Variants in EHMT1 observed in about 807,000 individuals in gnomAD.
The protein encoded by EHMT1 is histone-lysine N-methyltransferase EHMT1.
Under a neutral mutation model 147.2 loss-of-function variants are expected in EHMT1, and 15 were observed. The ratio of observed to expected loss-of-function variants is 0.10; its 90% CI spans 0.07 to 0.16. The LOEUF (loss-of-function observed/expected upper bound fraction) is 0.16. Ranked by LOEUF, EHMT1 falls within the 10% of genes least tolerant of loss-of-function variation. EHMT1 has a pLI of 1.00. For missense variants in EHMT1, 1,587 were observed against 1,772.4 expected, an observed-to-expected ratio of 0.90 and a Z score of 1.88; for synonymous variants, 795 against 709.6, an observed-to-expected ratio of 1.12 and a Z score of -1.91.
chr9:137,767,181 G>A lies in EHMT1; in HGVS notation c.1647+4361G>A, dbSNP rs186866337. On this transcript the variant is annotated intron_variant, in intron 10 of 26. Coordinates refer to ENST00000460843, the MANE Select transcript of EHMT1 (RefSeq NM_024757.5). ...GCTGCCCAGGCTGGAGTGCAGCGGT[G>A]CAGGCAGAGCTCGGTGCAGATTCAA... Among the ~76,000 whole-genome samples the A allele has an allele frequency of 3.4e-4, 52 of 152,258 alleles. 1 individual carries two copies. The highest frequency in any genetic ancestry group is 3.4e-3 in the Middle Eastern group (1 of 294).
chr9:137,643,776 G>A (rs1253464773), intron 1 of EHMT1, among the ~76,000 whole-genome samples: 1 of 152,202 alleles, frequency 6.6e-6, no homozygotes, highest in Non-Finnish European at 1.5e-5. Flanking sequence ...GCTTTTGAGA[G>A]TCTCTGTCTG....
intron 1 of EHMT1, among the ~76,000 whole-genome samples, chr9:137,650,274 A>G (rs1483065597): frequency 3.3e-5 from 5 of 151,622 alleles, no homozygotes; most frequent in Non-Finnish European, 7.4e-5. Context: ...TAATTTAAAC[A>G]TTTTTTTTAG....
At chr9:137,727,182 A>G (rs1420087148) in intron 3 of EHMT1, among the ~76,000 whole-genome samples, 1 of 152,106 alleles carries the variant, frequency 6.6e-6, no homozygotes, top group East Asian at 1.9e-4. Flanking sequence ...GGGTCTTGCT[A>G]TGTTGCCCAG....
chr9:137,698,745 G>T (rs1446137987), intron 1 of EHMT1, among the ~76,000 whole-genome samples: 2 of 151,952 alleles, frequency 1.3e-5, no homozygotes. Flanking sequence ...AGTTCCATTG[G>T]TTCTTTTTCC....
chr9:137,727,424 G>A (rs1272068484), intron 3 of EHMT1, among the ~76,000 whole-genome samples: 2 of 152,156 alleles, frequency 1.3e-5, no homozygotes, highest in Non-Finnish European at 2.9e-5. Flanking sequence ...ATACTTTTAG[G>A]TTTTGCAGTT....
At chr9:137,637,143 C>T (rs920850068) in intron 1 of EHMT1, among the ~76,000 whole-genome samples, 5 of 151,600 alleles carry the variant, frequency 3.3e-5, no homozygotes, top group Admixed American at 6.6e-5. Context: ...GTGATCTGCC[C>T]GTCTCCACCT....
intron 7 of EHMT1, 103 bp from the exon 8 acceptor site, chr9:137,754,068 A>G: frequency 1.9e-6 from 3 of 1,574,220 alleles, no homozygotes; most frequent in Non-Finnish European, 2.6e-6. Context: ...GAAGATCAAG[A>G]CATAGCCAGT....
intron 1 of EHMT1, among the ~76,000 whole-genome samples, chr9:137,658,621 CT>C (rs1286258092): frequency 1.3e-5 from 2 of 149,240 alleles, no homozygotes; most frequent in Non-Finnish European, 1.5e-5. Flanking sequence ...ATGAATTTTT[CT>C]TTTTTTTTGA....
intron 6 of EHMT1, among the ~76,000 whole-genome samples, chr9:137,744,572 A>G (rs1423459885): frequency 6.6e-6 from 1 of 152,208 alleles, no homozygotes; most frequent in Non-Finnish European, 1.5e-5. Context: ...CTCCCGCCTC[A>G]GTCTCCCAGT....
intron 10 of EHMT1, among the ~76,000 whole-genome samples, chr9:137,765,475 G>C (rs1436839735): frequency 1.3e-5 from 2 of 152,080 alleles, no homozygotes; most frequent in Non-Finnish European, 2.9e-5. Context: ...GATCCCTTGG[G>C]CTCTCACTTA....
At chr9:137,730,401 C>G (rs559638919) in intron 4 of EHMT1, among the ~76,000 whole-genome samples, 1 of 152,056 alleles carries the variant, frequency 6.6e-6, no homozygotes, top group South Asian at 2.1e-4. Flanking sequence ...TAAGGAGGTG[C>G]TTCACTTTCC....
At chr9:137,707,114 C>T (rs1028242059) in intron 1 of EHMT1, among the ~76,000 whole-genome samples, 3 of 152,220 alleles carry the variant, frequency 2.0e-5, no homozygotes, top group Admixed American at 1.3e-4. Context: ...CGTGAGCCAG[C>T]GCGCCTGGCC....
In EHMT1 at chr9:137,716,862, C is replaced by A. The variant is rs1329664706; in HGVS notation, c.322C>A (p.His108Asn). 1 of 1,613,134 alleles carries A rather than the reference C, an allele frequency of 6.2e-7. No individual in the cohort carries two copies. Among genetic ancestry groups the A allele is most frequent in the Non-Finnish European group, 8.5e-7 (1 of 1,179,900 alleles). ...ERDSEAAKQN[H>N]VTADDFVQTS... is the part of the protein sequence containing the mutation. Reference sequence around the variant, plus strand: ...AGACTCAGAAGCGGCGAAGCAAAACCACGTCACTGCCGACGACTTTGTGCA... The same window carrying A: ...AGACTCAGAAGCGGCGAAGCAAAACAACGTCACTGCCGACGACTTTGTGCA... Residue 108 changes from histidine (H) to asparagine (N), a missense_variant, in exon 3 of 27, where the codon CAC becomes AAC. His to Asn is a moderately conservative substitution (Grantham distance 68). Transcript: ENST00000460843.
At chr9:137,747,270 G>A in intron 6 of EHMT1, 1 of 152,112 alleles carries the variant, frequency 6.6e-6, no homozygotes. Context: ...CAATTCTCCT[G>A]CCTCAGCCTC....
intron 2 of EHMT1, among the ~76,000 whole-genome samples, chr9:137,712,604 C>G (rs1289939630): frequency 6.6e-6 from 1 of 152,272 alleles, no homozygotes; most frequent in African/African-American, 2.4e-5. Context: ...AATATCTCTT[C>G]TCCTGTGATT....
chr9:137,827,520 C>G (rs1032872034), intron 25 of EHMT1, among the ~76,000 whole-genome samples: 2 of 152,218 alleles, frequency 1.3e-5, no homozygotes, highest in Admixed American at 1.3e-4. Context: ...ATTCTGCCTT[C>G]AAAGTATTTC....
chr9:137,637,090 G>T (rs1042897502), intron 1 of EHMT1, among the ~76,000 whole-genome samples: 3 of 151,538 alleles, frequency 2.0e-5, no homozygotes, highest in African/African-American at 7.3e-5. Context: ...GTAGAGATGG[G>T]ATTTCACTGT....
chr9:137,800,728 G>A (rs1953406916), intron 17 of EHMT1, 152 bp from the exon 18 acceptor site: 1 of 664,684 alleles, frequency 1.5e-6, no homozygotes, highest in Admixed American at 2.3e-5. Context: ...GAAGAACTGT[G>A]GCCTCTGAAG....
At chr9:137,652,018 C>CT (rs1427170811) in intron 1 of EHMT1, among the ~76,000 whole-genome samples, 5 of 152,060 alleles carry the variant, frequency 3.3e-5, no homozygotes, top group African/African-American at 4.8e-5. Flanking sequence ...CTGTACTATA[C>CT]TTTTTTACCA....
Sources: gnomAD v4.1 joint callset for allele counts (sites outside exome capture counted in the v4.1 genomes callset) on GRCh38, gnomAD v4.1.1 for gene constraint, MANE v1.5 for transcripts, NCBI Gene and HGNC (gene_info 2026-07-23, HGNC 2026-07-21) for gene names.